Variants in SLIT3 observed in about 807,000 individuals in gnomAD.
SLIT3 encodes slit homolog 3 protein.
SLIT3 carries 68 observed loss-of-function variants against 184.0 expected under a neutral mutation model. That is an observed-to-expected ratio of 0.37 (90% CI 0.30 to 0.45). The LOEUF (loss-of-function observed/expected upper bound fraction) is 0.45, where lower values mean the gene tolerates loss of function less well. SLIT3 is among the 20% of genes least tolerant of loss of function. SLIT3 has a pLI of 1.00. For synonymous variants in SLIT3, 831 were observed against 828.6 expected (o/e 1.00, Z -0.05); for missense variants, 1,707 against 2,026.0 (o/e 0.84, Z 3.02).
At chr5:169,147,901 T>A (rs1427854680) in intron 4 of SLIT3, among the ~76,000 whole-genome samples, 1 of 152,204 alleles carries the variant, frequency 6.6e-6, no homozygotes, top group Non-Finnish European at 1.5e-5. Flanking sequence ...CTTTCCCTTT[T>A]CCTCCGTCTT....
intron 6 of SLIT3, among the ~76,000 whole-genome samples, chr5:168,828,691 G>T (rs1380895999): frequency 8.6e-6 from 1 of 115,630 alleles, no homozygotes; most frequent in Non-Finnish European, 1.9e-5. Context: ...AAAAAAATGT[G>T]GTCTCTAGAC....
intron 32 of SLIT3, 107 bp downstream of exon 32, chr5:168,683,859 G>A (rs914301555): frequency 1.8e-6 from 2 of 1,089,400 alleles, no homozygotes; most frequent in Admixed American, 3.0e-5. Flanking sequence ...TAGGGGCGGG[G>A]AGAAGGGACA....
At chr5:169,095,293 A>C (rs1759734956) in intron 4 of SLIT3, among the ~76,000 whole-genome samples, 1 of 152,190 alleles carries the variant, frequency 6.6e-6, no homozygotes, top group African/African-American at 2.4e-5. Context: ...ATGAATGCAG[A>C]GTCATCTTGC....
At chr5:169,099,760 G>C (rs975100996) in intron 4 of SLIT3, among the ~76,000 whole-genome samples, 7 of 152,010 alleles carry the variant, frequency 4.6e-5, no homozygotes, top group Admixed American at 6.6e-5. Flanking sequence ...GGTCAGGTAA[G>C]GGGAGGATGG....
intron 9 of SLIT3, among the ~76,000 whole-genome samples, chr5:168,800,517 G>A (rs952128869): frequency 2.6e-5 from 4 of 152,190 alleles, no homozygotes; most frequent in Non-Finnish European, 4.4e-5. Flanking sequence ...AACCTGGGAG[G>A]CGGAGGTTGC....
intron 4 of SLIT3, among the ~76,000 whole-genome samples, chr5:169,138,733 T>C (rs1413791529): frequency 6.6e-6 from 1 of 152,226 alleles, no homozygotes; most frequent in Non-Finnish European, 1.5e-5. Flanking sequence ...CCACTCGTGC[T>C]ATCTCATGCC....
At chr5:168,878,320 T>G (rs966807621) in intron 5 of SLIT3, among the ~76,000 whole-genome samples, 2 of 152,190 alleles carry the variant, frequency 1.3e-5, no homozygotes, top group Non-Finnish European at 2.9e-5. Context: ...GGGACTTCCT[T>G]CTGCTGTCTG....
intron 9 of SLIT3, among the ~76,000 whole-genome samples, chr5:168,798,723 A>G (rs1196248756): frequency 1.3e-5 from 2 of 152,148 alleles, no homozygotes; most frequent in African/African-American, 4.8e-5. Flanking sequence ...AGTAAAGGAA[A>G]GGGGAGGGAT....
At chr5:168,683,774 T>C (rs1761662242) in intron 32 of SLIT3, among the ~76,000 whole-genome samples, 192 bp downstream of exon 32, 1 of 152,142 alleles carries the variant, frequency 6.6e-6, no homozygotes, top group South Asian at 2.1e-4. Context: ...CTCTGCCTCT[T>C]CCTCTGACAC....
At chr5:168,761,036 G>A (rs1755128911) in intron 15 of SLIT3, 100 bp from the exon 16 acceptor site, 2 of 884,004 alleles carry the variant, frequency 2.3e-6, no homozygotes, top group Non-Finnish European at 1.9e-6. Context: ...CTCACACTCG[G>A]TGAAGGACCA....
At position 168,666,693 on chromosome 5, in the gene SLIT3, C is replaced by A. The variant is rs371776260; in HGVS notation, c.4337-4G>T. ...ACTTGTCCCAGGCACGGATTCTCTG[C>A]AGAGGGCATAGAAGTCAGGGCATTG... On this transcript the variant is annotated splice_region_variant and splice_polypyrimidine_tract_variant and intron_variant, in intron 35 of 35. Coordinates refer to ENST00000519560, the MANE Select transcript of SLIT3 (RefSeq NM_003062.4). 2.8e-5 allele frequency: 46 copies of A among 1,614,102 alleles called. No individual in the cohort carries two copies. Among genetic ancestry groups the A allele is most frequent in the African/African-American group, 2.7e-4 (20 of 75,042 alleles).
intron 23 of SLIT3, 117 bp from the exon 24 acceptor site, chr5:168,712,471 T>C: frequency 1.2e-6 from 1 of 825,472 alleles, no homozygotes; most frequent in Admixed American, 1.9e-5. Flanking sequence ...GCCCCACTGC[T>C]CCTAGCAGTA....
intron 4 of SLIT3, among the ~76,000 whole-genome samples, chr5:168,998,891 A>ATG (rs1755604805): frequency 7.2e-6 from 1 of 139,350 alleles, no homozygotes; most frequent in South Asian, 2.3e-4. Context: ...GGACCCAGAA[A>ATG]TCTGTGTGTG....
intron 9 of SLIT3, among the ~76,000 whole-genome samples, chr5:168,800,364 T>A (rs1581096229): frequency 6.6e-6 from 1 of 152,266 alleles, no homozygotes; most frequent in Middle Eastern, 3.4e-3. Flanking sequence ...GGCGGTTGGA[T>A]CACCTGAGGT....
intron 17 of SLIT3, among the ~76,000 whole-genome samples, 161 bp downstream of exon 17, chr5:168,753,703 C>T (rs1303150249): frequency 6.6e-6 from 1 of 152,146 alleles, no homozygotes; most frequent in Admixed American, 6.5e-5. Flanking sequence ...TCTTTCCCAT[C>T]CAAGGCTCCA....
Position 168,724,399 on chromosome 5 carries a change from A to G in SLIT3, c.2339+17T>C. The G allele has an allele frequency of 6.2e-7, 1 of 1,607,226 alleles. No individual in the cohort carries two copies. The highest frequency in any genetic ancestry group is 8.5e-7 in the Non-Finnish European group (1 of 1,175,132). On this transcript the variant is annotated intron_variant, in intron 21 of 35. Coordinates refer to ENST00000519560, the MANE Select transcript of SLIT3 (RefSeq NM_003062.4). ...GCAGGGAAAAATAAACATCCCACCCAATACTGGGCTCCTTACATAAGCGTC... is the reference window on the plus strand; with the variant it reads ...GCAGGGAAAAATAAACATCCCACCCGATACTGGGCTCCTTACATAAGCGTC...
chr5:168,711,178 G>C, intron 24 of SLIT3, 120 bp from the exon 25 acceptor site: 1 of 846,836 alleles, frequency 1.2e-6, no homozygotes, highest in Non-Finnish European at 1.7e-6. Flanking sequence ...CCAATATGGG[G>C]CCAGCGGAGT....
intron 4 of SLIT3, among the ~76,000 whole-genome samples, chr5:169,116,693 C>T (rs560220183): frequency 5.1e-4 from 78 of 152,260 alleles, no homozygotes; most frequent in African/African-American, 1.6e-3. Flanking sequence ...AGTGTTTCTT[C>T]CCCTCAACAA....
At chr5:168,960,997 C>T (rs1001336879) in intron 4 of SLIT3, among the ~76,000 whole-genome samples, 2 of 152,176 alleles carry the variant, frequency 1.3e-5, no homozygotes, top group Non-Finnish European at 2.9e-5. Context: ...GTAATCTAAC[C>T]AGCCATTGAC....
Sources: gnomAD v4.1 joint callset for allele counts (sites outside exome capture counted in the v4.1 genomes callset) on GRCh38, gnomAD v4.1.1 for gene constraint, MANE v1.5 for transcripts, NCBI Gene and HGNC (gene_info 2026-07-23, HGNC 2026-07-21) for gene names.